AGMO: variants seen among roughly 807,000 people sequenced by gnomAD.
AGMO encodes glyceryl-ether monooxygenase.
A neutral mutation model predicts 60.2 loss-of-function variants in AGMO; 75 were observed. The ratio of observed to expected loss-of-function variants is 1.25; its 90% CI spans 1.03 to 1.51. AGMO has a LOEUF of 1.51. Among genes scored for constraint, AGMO ranks in the 40% most tolerant of loss-of-function variants. The pLI, the probability that AGMO is intolerant of heterozygous loss-of-function variation, is 0.00. For synonymous variants in AGMO, 261 were observed against 177.1 expected (o/e 1.47, Z -3.76); for missense variants, 763 against 525.5 (o/e 1.45, Z -4.42).
chr7:15,349,524 C>CA (rs1010352273), intron 12 of AGMO, among the ~76,000 whole-genome samples: 12 of 151,950 alleles, frequency 7.9e-5, no homozygotes, highest in Non-Finnish European at 7.4e-5. Context: ...CACCATATAC[C>CA]AAAAAATCTC....
the AGMO span, among the ~76,000 whole-genome samples, chr7:15,158,193 C>T: frequency 1.3e-5 from 2 of 152,006 alleles, no homozygotes; most frequent in Admixed American, 6.6e-5. Context: ...CCATACCTAC[C>T]GTGGCTAATG....
chr7:15,299,931 C>G (rs1271142066), intron 12 of AGMO, among the ~76,000 whole-genome samples: 1 of 150,774 alleles, frequency 6.6e-6, no homozygotes, highest in African/African-American at 2.4e-5. Context: ...ACTTAGCAGA[C>G]AAGAACATGT....
At chr7:15,406,224 G>C (rs1784680500) in intron 5 of AGMO, among the ~76,000 whole-genome samples, 1 of 121,512 alleles carries the variant, frequency 8.2e-6, no homozygotes. Flanking sequence ...CCCTTTGTTT[G>C]GAATACACAC....
At chr7:15,284,489 T>C (rs897542146) in intron 12 of AGMO, among the ~76,000 whole-genome samples, 1 of 152,154 alleles carries the variant, frequency 6.6e-6, no homozygotes. Context: ...AATAAGCTCT[T>C]GGAAACGTAC....
At chr7:15,271,103 G>A (rs1356736314) in intron 12 of AGMO, among the ~76,000 whole-genome samples, 1 of 152,078 alleles carries the variant, frequency 6.6e-6, no homozygotes, top group East Asian at 1.9e-4. Flanking sequence ...CAGGGAATAA[G>A]ATGCATCCAG....
At chr7:15,533,529 T>C (rs528544422) in intron 3 of AGMO, among the ~76,000 whole-genome samples, 1 of 152,144 alleles carries the variant, frequency 6.6e-6, no homozygotes, top group Non-Finnish European at 1.5e-5. Context: ...CTCATTTACA[T>C]TCTTTGTTTT....
At chr7:15,389,069 T>C (rs1451552905) in intron 8 of AGMO, among the ~76,000 whole-genome samples, 1 of 152,184 alleles carries the variant, frequency 6.6e-6, no homozygotes, top group African/African-American at 2.4e-5. Context: ...TCTCATTCTG[T>C]CTCAATTATA....
At chr7:15,213,449 A>T (rs957609171) in intron 12 of AGMO, among the ~76,000 whole-genome samples, 1 of 151,962 alleles carries the variant, frequency 6.6e-6, no homozygotes, top group East Asian at 1.9e-4. Flanking sequence ...ATATTAAAAA[A>T]ATATAAATTT....
chr7:15,129,498 G>C, the AGMO span, among the ~76,000 whole-genome samples: 1 of 152,076 alleles, frequency 6.6e-6, no homozygotes, highest in South Asian at 2.1e-4. Context: ...GACCAATTTA[G>C]TATTTCCCAT....
chr7:15,194,588 T>C, the AGMO span, among the ~76,000 whole-genome samples: 1 of 152,178 alleles, frequency 6.6e-6, no homozygotes, highest in South Asian at 2.1e-4. Flanking sequence ...CAATCAGTAA[T>C]ATCACTGATC....
chr7:15,536,849 G>A (rs74764946), intron 3 of AGMO, among the ~76,000 whole-genome samples: 12,647 of 151,722 alleles, frequency 0.083, 847 homozygotes, highest in African/African-American at 0.18. Flanking sequence ...ATATGGTAAC[G>A]CTAAATTTAG....
chr7:15,242,564 G>T (rs1244091512), intron 12 of AGMO, among the ~76,000 whole-genome samples: 4 of 152,068 alleles, frequency 2.6e-5, no homozygotes, highest in Non-Finnish European at 4.4e-5. Flanking sequence ...TCTAACCTGG[G>T]CATATTGGTC....
intron 8 of AGMO, among the ~76,000 whole-genome samples, chr7:15,387,904 CTTTTT>C (rs11437914): frequency 6.5e-5 from 9 of 137,636 alleles, no homozygotes; most frequent in African/African-American, 1.9e-4. Flanking sequence ...GACACATTCT[CTTTTT>C]TTTTTTTTTT....
At chr7:15,332,366 G>C (rs1366484798) in intron 12 of AGMO, among the ~76,000 whole-genome samples, 1 of 152,160 alleles carries the variant, frequency 6.6e-6, no homozygotes, top group Non-Finnish European at 1.5e-5. Context: ...ACTGTTAAAC[G>C]TAACATGGAG....
At chr7:15,175,541 T>C in the AGMO span, among the ~76,000 whole-genome samples, 3 of 151,928 alleles carry the variant, frequency 2.0e-5, no homozygotes, top group East Asian at 5.8e-4. Context: ...TTTGGCTCTT[T>C]TATTCTCTCT....
intron 12 of AGMO, among the ~76,000 whole-genome samples, chr7:15,349,369 GTTT>G (rs1554421080): frequency 2.0e-5 from 3 of 152,058 alleles, no homozygotes; most frequent in Non-Finnish European, 1.5e-5. Context: ...CAAGCAAAAT[GTTT>G]TGTCTACTTT....
chr7:15,444,485 T>C (rs574353674), intron 3 of AGMO, among the ~76,000 whole-genome samples: 1 of 152,320 alleles, frequency 6.6e-6, no homozygotes, highest in Non-Finnish European at 1.5e-5. Context: ...ATTATTGGCC[T>C]TCTTGCCAAA....
rs116694031 is a variant in AGMO, at chr7:15,512,610, T to A, written c.409+32162A>T. 8.9e-3 allele frequency among the ~76,000 whole-genome samples: 1,353 copies of A among 152,320 alleles called. 21 individuals carry two copies. Among genetic ancestry groups the A allele is most frequent in the African/African-American group, 0.031 (1,277 of 41,564 alleles). On this transcript the variant is annotated intron_variant, in intron 3 of 12. Transcript: ENST00000342526. ...TATGTCAACTAGAGGTTTGCCTACA[T>A]ATTTAGTTGAATTGACTATTTGGAG...
intron 12 of AGMO, among the ~76,000 whole-genome samples, chr7:15,323,828 A>G (rs1781255471): frequency 1.3e-5 from 2 of 152,160 alleles, no homozygotes; most frequent in South Asian, 4.1e-4. Flanking sequence ...TGAAATTATC[A>G]AAACAGACAC....
Sources: allele counts gnomAD v4.1 joint callset (sites outside exome capture counted in the v4.1 genomes callset), GRCh38; gene constraint gnomAD v4.1.1; transcripts MANE v1.5; gene names NCBI Gene and HGNC (gene_info 2026-07-23, HGNC 2026-07-21).